The following TMEM132D variants were observed in gnomAD, a reference collection of about 807,000 sequenced individuals.
TMEM132D encodes transmembrane protein 132D.
Under a neutral mutation model 62.3 loss-of-function variants are expected in TMEM132D, and 21 were observed. That is an observed-to-expected ratio of 0.34 (90% CI 0.24 to 0.49). The LOEUF (loss-of-function observed/expected upper bound fraction) is 0.49. Ranked by LOEUF, TMEM132D falls within the 20% of genes least tolerant of loss-of-function variation. The pLI, the probability that TMEM132D is intolerant of heterozygous loss-of-function variation, is 0.99. For missense variants in TMEM132D, 1,346 were observed against 1,402.8 expected, an observed-to-expected ratio of 0.96 and a Z score of 0.65; for synonymous variants, 621 against 575.6, an observed-to-expected ratio of 1.08 and a Z score of -1.13.
At chr12:129,116,842 G>A (rs74592938) in intron 5 of TMEM132D, among the ~76,000 whole-genome samples, 3,187 of 126,892 alleles carry the variant, frequency 0.025, 124 homozygotes, top group African/African-American at 0.09. Context: ...AGTTTCTTAC[G>A]AAATTAAACA....
intron 5 of TMEM132D, among the ~76,000 whole-genome samples, chr12:129,136,385 C>T (rs1297828738): frequency 6.6e-6 from 1 of 152,206 alleles, no homozygotes; most frequent in Non-Finnish European, 1.5e-5. Context: ...CTCAGTCTTT[C>T]CCTACCTTTC....
At chr12:129,097,019 A>G (rs910167520) in intron 5 of TMEM132D, among the ~76,000 whole-genome samples, 6 of 152,224 alleles carry the variant, frequency 3.9e-5, no homozygotes, top group Admixed American at 6.5e-5. Flanking sequence ...GCAGTCTGAT[A>G]GGAAATCATT....
intron 4 of TMEM132D, among the ~76,000 whole-genome samples, chr12:129,261,169 C>T (rs1253406925): frequency 6.6e-6 from 1 of 152,004 alleles, no homozygotes; most frequent in Non-Finnish European, 1.5e-5. Context: ...TTTAAAAGGG[C>T]TGTTTATTAG....
chr12:129,700,079 C>T lies in TMEM132D; in HGVS notation c.699G>A (p.Gly233=), dbSNP rs759300026. The change falls in exon 2 of 9, where the codon GGG becomes GGA. Residue 233 remains glycine, a synonymous_variant. Coordinates refer to ENST00000422113, the MANE Select transcript of TMEM132D (RefSeq NM_133448.3). ...PVELYYTVHP[G]GERGDCVRED... is the part of the protein sequence containing the mutation. ...CCCTGACGCAGTCCCCTCTCTCACC[C>T]CCTGGGTGCACGGTGTAGTAGAGCT... 2 of 1,613,720 alleles carry T rather than the reference C, an allele frequency of 1.2e-6. No homozygotes were observed. Among genetic ancestry groups the T allele is most frequent in the Non-Finnish European group, 8.5e-7 (1 of 1,180,036 alleles).
intron 1 of TMEM132D, among the ~76,000 whole-genome samples, chr12:129,708,371 C>G (rs1881554641): frequency 6.6e-6 from 1 of 152,076 alleles, no homozygotes; most frequent in Admixed American, 6.5e-5. Flanking sequence ...TGACCCTTCA[C>G]CAGCTAAATA....
At chr12:129,343,545 T>G (rs1869578284) in intron 3 of TMEM132D, among the ~76,000 whole-genome samples, 1 of 152,144 alleles carries the variant, frequency 6.6e-6, no homozygotes, top group South Asian at 2.1e-4. Flanking sequence ...CTGCACGTTG[T>G]GCACATGTAC....
chr12:129,173,830 AT>A (rs1302310549), intron 5 of TMEM132D, among the ~76,000 whole-genome samples: 1 of 152,092 alleles, frequency 6.6e-6, no homozygotes, highest in African/African-American at 2.4e-5. Flanking sequence ...TAGCCCACCC[AT>A]CCCCCAGTTG....
intron 3 of TMEM132D, among the ~76,000 whole-genome samples, chr12:129,451,453 G>A (rs779169093): frequency 6.6e-6 from 1 of 152,184 alleles, no homozygotes; most frequent in Non-Finnish European, 1.5e-5. Flanking sequence ...ACAGTGACTA[G>A]ATGCTTTATA....
At chr12:129,417,358 A>G (rs1270224064) in intron 3 of TMEM132D, among the ~76,000 whole-genome samples, 4 of 152,312 alleles carry the variant, frequency 2.6e-5, no homozygotes, top group Non-Finnish European at 5.9e-5. Flanking sequence ...AGATACGTAG[A>G]CCAATGGAAC....
chr12:129,319,082 G>A (rs571777016), intron 4 of TMEM132D, among the ~76,000 whole-genome samples: 3 of 152,316 alleles, frequency 2.0e-5, no homozygotes, highest in African/African-American at 7.2e-5. Flanking sequence ...TTCCCCGCCT[G>A]TGAAGTCTGC....
chr12:129,303,101 G>A (rs1881763914), intron 4 of TMEM132D, among the ~76,000 whole-genome samples: 1 of 151,980 alleles, frequency 6.6e-6, no homozygotes. Context: ...ACATCAACCG[G>A]TGCCACCCAG....
At chr12:129,840,678 C>T (rs1028313831) in intron 1 of TMEM132D, among the ~76,000 whole-genome samples, 6 of 152,172 alleles carry the variant, frequency 3.9e-5, no homozygotes, top group East Asian at 1.9e-4. Context: ...CCAGTGCGGC[C>T]GCCCGCTTCC....
At position 129,464,378 on chromosome 12, in the gene TMEM132D, G is replaced by A. The variant is rs186920225; in HGVS notation, c.1115+66681C>T. On this transcript the variant is annotated intron_variant, in intron 3 of 8. Transcript: ENST00000422113. ...TGTAGATTCTGGATATTAGCCCTTT[G>A]TCAGATGAGTAGGTTGCAAAAATTT... Among the ~76,000 whole-genome samples, 181 of 152,160 alleles carry A rather than the reference G, an allele frequency of 1.2e-3. 1 individual carries two copies. In the East Asian group the frequency reaches 0.029, roughly 24 times the overall value.
intron 4 of TMEM132D, among the ~76,000 whole-genome samples, chr12:129,299,393 G>A (rs955608324): frequency 2.0e-5 from 3 of 146,600 alleles, no homozygotes; most frequent in African/African-American, 7.6e-5. Flanking sequence ...GTCAATAAAT[G>A]TCTCTTTTCT....
chr12:129,429,117 TCACTGTAGTCCAAAATCCTTCAAGTTAC>T, intron 3 of TMEM132D, among the ~76,000 whole-genome samples: 1 of 96,464 alleles, frequency 1.0e-5, no homozygotes, highest in East Asian at 3.5e-4. Context: ...TTCAAGTTAC[TCACTGTAGTCCAAAATCCTTCAAGTTAC>T]TCACTGTAGT....
intron 2 of TMEM132D, among the ~76,000 whole-genome samples, chr12:129,535,545 GC>G (rs1207295225): frequency 6.6e-6 from 1 of 152,182 alleles, no homozygotes; most frequent in Non-Finnish European, 1.5e-5. Context: ...TGACAACATT[GC>G]CCCAAAGAGA....
At chr12:129,622,672 A>T (rs111384747) in intron 2 of TMEM132D, among the ~76,000 whole-genome samples, 506 of 152,302 alleles carry the variant, frequency 3.3e-3, no homozygotes, top group African/African-American at 0.011. Flanking sequence ...CAGTGCAGAC[A>T]TGCTTGGTTT....
intron 5 of TMEM132D, among the ~76,000 whole-genome samples, chr12:129,185,113 G>C (rs1432132928): frequency 6.6e-6 from 1 of 152,130 alleles, no homozygotes; most frequent in Non-Finnish European, 1.5e-5. Context: ...AATTAAACTT[G>C]CTGCTGAACT....
intron 2 of TMEM132D, among the ~76,000 whole-genome samples, chr12:129,602,714 G>T (rs1878513427): frequency 6.6e-6 from 1 of 152,118 alleles, no homozygotes; most frequent in Admixed American, 6.6e-5. Flanking sequence ...CACATACACA[G>T]CCCTCCTCCT....
Sources: gnomAD v4.1 joint callset for allele counts (sites outside exome capture counted in the v4.1 genomes callset) on GRCh38, gnomAD v4.1.1 for gene constraint, MANE v1.5 for transcripts, NCBI Gene and HGNC (gene_info 2026-07-23, HGNC 2026-07-21) for gene names.